RGS3: variants seen among roughly 807,000 people sequenced by gnomAD.
RGS3 encodes regulator of G-protein signalling 3.
RGS3 carries 80 observed loss-of-function variants against 132.6 expected under a neutral mutation model. The ratio of observed to expected loss-of-function variants is 0.60; its 90% CI spans 0.50 to 0.73. The LOEUF is 0.73. Ranked by LOEUF, RGS3 falls within the 30% of genes least tolerant of loss-of-function variation. The pLI is 0.00. For missense variants in RGS3, 1,382 were observed against 1,530.8 expected (o/e 0.90, Z 1.62); for synonymous variants, 598 against 620.6 (o/e 0.96, Z 0.54).
intron 16 of RGS3, among the ~76,000 whole-genome samples, chr9:113,520,807 C>T (rs960309905): frequency 2.0e-5 from 3 of 152,130 alleles, no homozygotes; most frequent in African/African-American, 7.2e-5. Context: ...TTCACCTCAT[C>T]TCTTAACATT....
chr9:113,551,433 T>C (rs1418205163), intron 19 of RGS3, among the ~76,000 whole-genome samples: 1 of 152,232 alleles, frequency 6.6e-6, no homozygotes, highest in African/African-American at 2.4e-5. Context: ...GCTATACATA[T>C]ATGTGTGCAA....
At chr9:113,543,605 GA>G (rs1263993189) in intron 19 of RGS3, among the ~76,000 whole-genome samples, 1 of 152,218 alleles carries the variant, frequency 6.6e-6, no homozygotes, top group African/African-American at 2.4e-5. Context: ...CTTACAAAAT[GA>G]CATTAAGGGG....
Position 113,565,266 on chromosome 9 carries a change from C to A in RGS3, c.2038-18184C>A. 7.8e-7 allele frequency: 1 copy of A among 1,289,150 alleles called. No individual in the cohort carries two copies. The highest frequency in any genetic ancestry group is 1.0e-6 in the Non-Finnish European group (1 of 988,456). The allele number at this position is 1,289,150 out of a possible 1,614,324, so 79.9% of individuals were successfully genotyped here. On this transcript the variant is annotated intron_variant, in intron 19 of 24. Transcript: ENST00000350696. This position sits in a 1 kb window ranked among gnomAD's most constrained non-coding sequence, Gnocchi z 5.7. The stretch of plus-strand genomic sequence containing the variant: ...CTTTGAGACATCCCGGACTCCATCT[C>A]GGATGAAAGTGCTTTGAGAAACCAC...
intron 16 of RGS3, among the ~76,000 whole-genome samples, chr9:113,521,616 C>T (rs1379995995): frequency 1.3e-5 from 2 of 152,120 alleles, no homozygotes; most frequent in African/African-American, 2.4e-5. Context: ...AAAATTCTGC[C>T]GTATGAAGTT....
intron 19 of RGS3, among the ~76,000 whole-genome samples, chr9:113,559,483 T>C (rs1027108551): frequency 6.6e-6 from 1 of 152,142 alleles, no homozygotes; most frequent in Non-Finnish European, 1.5e-5. Context: ...TAGGGGGACA[T>C]TTGGTCTCCT....
chr9:113,584,579 T>C, intron 20 of RGS3, 152 bp downstream of exon 18: 1 of 815,928 alleles, frequency 1.2e-6, no homozygotes, highest in Non-Finnish European at 1.8e-6. Flanking sequence ...AAGATAAAAC[T>C]GAGGCCCAAT....
At chr9:113,593,830 G>A (rs555332382) in intron 21 of RGS3, 7 of 1,288,836 alleles carry the variant, frequency 5.4e-6, no homozygotes, top group East Asian at 4.7e-5. Context: ...TGCCACCCCG[G>A]TGGTGGGCAG....
Position 113,462,003 on chromosome 9 carries a change from C to T in RGS3, c.235-18C>T, listed in dbSNP as rs202242121. 4.0e-4 allele frequency: 642 copies of T among 1,611,192 alleles called. 5 individuals are homozygous for T. Among genetic ancestry groups the T allele is most frequent in the Middle Eastern group, 1.9e-4 (1 of 5,358 alleles). On this transcript the variant is annotated intron_variant, in intron 2 of 24. Transcript: ENST00000350696. ...CTTCAGGCCATGGCTAACTCATGCT[C>T]CCATCTTGCTCCTGCAGGTCTGCCA...
At position 113,591,362 on chromosome 9, in the gene RGS3, T is replaced by A; in HGVS notation, c.3045T>A (p.Asp1015Glu). The A allele has an allele frequency of 6.2e-7, 1 of 1,613,700 alleles. No homozygotes were observed. Among genetic ancestry groups the A allele is most frequent in the Non-Finnish European group, 8.5e-7 (1 of 1,179,956 alleles). ...GCGGGGCTGACACCGTTGGGGATGA[T>A]GACGAAGCCTCCCGGAAGAGAAAGA... The change falls in exon 21 of 25, where the codon GAT (aspartate) becomes GAA (glutamate). Residue 1015 changes from aspartate to glutamate, a missense_variant. By Grantham distance (45) the Asp-to-Glu change is conservative. Coordinates refer to ENST00000350696, the Ensembl canonical transcript of RGS3. The surrounding 1 kb of genome is among the most constrained non-coding windows in gnomAD (Gnocchi z 4.4).
At chr9:113,570,607 A>G (rs1834240976) in intron 19 of RGS3, among the ~76,000 whole-genome samples, 1 of 152,112 alleles carries the variant, frequency 6.6e-6, no homozygotes. Flanking sequence ...ATCCCCACAA[A>G]TAACCCTCTT....
At chr9:113,471,566 T>G (rs1426945062) in intron 3 of RGS3, among the ~76,000 whole-genome samples, 1 of 152,008 alleles carries the variant, frequency 6.6e-6, no homozygotes. Flanking sequence ...CTTTTTTGAG[T>G]TGGTTTTTGT....
intron 17 of RGS3, among the ~76,000 whole-genome samples, chr9:113,525,927 T>C (rs999253828): frequency 1.3e-5 from 2 of 152,168 alleles, no homozygotes; most frequent in Non-Finnish European, 2.9e-5. Context: ...TGGGTGGTAG[T>C]CACTTAAATC....
chr9:113,466,202 G>A (rs1163479448), intron 3 of RGS3, among the ~76,000 whole-genome samples: 3 of 152,174 alleles, frequency 2.0e-5, no homozygotes, highest in South Asian at 4.1e-4. Flanking sequence ...TAGCAATTGG[G>A]ACCACTTTTA....
At chr9:113,577,741 A>G (rs1025330564) in intron 19 of RGS3, among the ~76,000 whole-genome samples, 1 of 152,192 alleles carries the variant, frequency 6.6e-6, no homozygotes, top group African/African-American at 2.4e-5. Flanking sequence ...CCCCTTGAGC[A>G]GATTTCGGTC....
chr9:113,448,217 T>C (rs1829157093), intron 1 of RGS3, among the ~76,000 whole-genome samples: 1 of 152,246 alleles, frequency 6.6e-6, no homozygotes, highest in South Asian at 2.1e-4. Flanking sequence ...GTGAATATCA[T>C]GATACATCTT....
chr9:113,468,282 TC>T (rs1302897618), intron 3 of RGS3, among the ~76,000 whole-genome samples: 4 of 152,240 alleles, frequency 2.6e-5, no homozygotes, highest in Non-Finnish European at 5.9e-5. Flanking sequence ...TATCCAGTTG[TC>T]CCAGTACCAT....
exon 19 of RGS3, chr9:113,536,814 A>T (rs1832697481): frequency 6.2e-7 from 1 of 1,613,954 alleles, no homozygotes. Context: ...GTGCTTATTC[A>T]CTTTGGAAGC....
chr9:113,536,908 C>G, exon 19 of RGS3: 4 of 1,614,030 alleles, frequency 2.5e-6, no homozygotes, highest in South Asian at 1.1e-5. Flanking sequence ...GCATCACCCC[C>G]GGACAGCAAG....
intron 3 of RGS3, among the ~76,000 whole-genome samples, 156 bp downstream of exon 1, chr9:113,464,037 G>A (rs113163961): frequency 0.041 from 6,272 of 152,282 alleles, 170 homozygotes; most frequent in South Asian, 0.1. Context: ...CTGCCCAGGA[G>A]GGGCTCAGGG....
Sources: gnomAD v4.1 joint callset for allele counts (sites outside exome capture counted in the v4.1 genomes callset) on GRCh38, gnomAD v4.1.1 for gene constraint, Gnocchi (gnomAD v3.1) non-coding constraint, MANE v1.5 for transcripts, NCBI Gene and HGNC (gene_info 2026-07-23, HGNC 2026-07-21) for gene names.